Variants in PROS1 observed in about 807,000 individuals in gnomAD.
The protein encoded by PROS1 is vitamin K-dependent protein S.
A neutral mutation model predicts 75.9 loss-of-function variants in PROS1; 29 were observed. The ratio of observed to expected loss-of-function variants is 0.38; its 90% CI spans 0.28 to 0.52. The LOEUF is 0.52. Among genes scored for constraint, PROS1 ranks in the 20% least tolerant of loss-of-function variants. The pLI is 0.83. For synonymous variants in PROS1, 245 were observed against 280.6 expected (o/e 0.87, Z 1.27); for missense variants, 680 against 810.3 (o/e 0.84, Z 1.95).
At chr3:93,945,341 G>C (rs1331544981) in intron 1 of PROS1, among the ~76,000 whole-genome samples, 3 of 152,166 alleles carry the variant, frequency 2.0e-5, no homozygotes, top group Non-Finnish European at 4.4e-5. Flanking sequence ...AAGCCTGGCA[G>C]AGACACAACA....
chr3:93,969,841 G>A (rs529231330), intron 1 of PROS1, among the ~76,000 whole-genome samples: 114 of 152,048 alleles, frequency 7.5e-4, no homozygotes, highest in African/African-American at 2.7e-3. Context: ...AAAGAATACT[G>A]TATTATCAGG....
chr3:93,946,709 G>T (rs1158001815), intron 1 of PROS1, among the ~76,000 whole-genome samples: 7 of 151,766 alleles, frequency 4.6e-5, no homozygotes, highest in Non-Finnish European at 1.0e-4. Context: ...AACCCTAGAA[G>T]AAAACCTAAG....
intron 4 of PROS1, among the ~76,000 whole-genome samples, chr3:93,906,382 A>C (rs1412014756): frequency 2.0e-5 from 3 of 152,240 alleles, no homozygotes; most frequent in African/African-American, 7.2e-5. Flanking sequence ...GCCGCTGCCA[A>C]GACGCCAGCT....
At chr3:93,948,845 T>C (rs1391672923) in intron 1 of PROS1, among the ~76,000 whole-genome samples, 1 of 152,226 alleles carries the variant, frequency 6.6e-6, no homozygotes, top group African/African-American at 2.4e-5. Context: ...ATTACTTCTA[T>C]TTCCTTTGAG....
At position 93,940,303 on chromosome 3, in the gene PROS1, TCTCCTGGAAGC is replaced by T. The variant is rs1489519015; in HGVS notation, c.77-12907_77-12897del. Among the ~76,000 whole-genome samples, 70 of 152,144 alleles carry T rather than the reference TCTCCTGGAAGC, an allele frequency of 4.6e-4. 1 individual carries two copies. Among genetic ancestry groups the T allele is most frequent in the East Asian group, 1.4e-3 (7 of 5,152 alleles). ...TGACACTGCCCGATTGCCTCGGAAG[TCTCCTGGAAGC>T]CTCCTGGACCATCACATATGCTTTG... On this transcript the variant is annotated intron_variant, in intron 1 of 14. Transcript: ENST00000394236.
chr3:93,906,000 G>A (rs762864688), intron 5 of PROS1, 21 bp downstream of exon 5: 9 of 1,613,738 alleles, frequency 5.6e-6, no homozygotes, highest in Non-Finnish European at 7.6e-6. Flanking sequence ...TGAGCTGGGG[G>A]GCGGGGGTTA....
intron 1 of PROS1, among the ~76,000 whole-genome samples, chr3:93,940,425 C>T (rs1462925191): frequency 2.0e-5 from 3 of 152,082 alleles, no homozygotes; most frequent in Non-Finnish European, 2.9e-5. Flanking sequence ...TTTTCAAGGG[C>T]GTGTTTCCCT....
chr3:93,949,552 A>C (rs1427155159), intron 1 of PROS1, among the ~76,000 whole-genome samples: 2 of 152,196 alleles, frequency 1.3e-5, no homozygotes, highest in Non-Finnish European at 2.9e-5. Context: ...GATGCCACTT[A>C]CATGAAAGAA....
At chr3:93,913,681 A>T (rs1176288252) in intron 3 of PROS1, among the ~76,000 whole-genome samples, 1 of 152,180 alleles carries the variant, frequency 6.6e-6, no homozygotes, top group African/African-American at 2.4e-5. Context: ...TTTCTTTATA[A>T]ATTATCCAGT....
At chr3:93,952,958 C>A (rs970843011) in intron 1 of PROS1, among the ~76,000 whole-genome samples, 1 of 152,144 alleles carries the variant, frequency 6.6e-6, no homozygotes, top group African/African-American at 2.4e-5. Flanking sequence ...CACCTCAATG[C>A]AAATCAACCA....
intron 2 of PROS1, among the ~76,000 whole-genome samples, chr3:93,925,262 A>T (rs1192596072): frequency 6.6e-6 from 1 of 152,236 alleles, no homozygotes; most frequent in Non-Finnish European, 1.5e-5. Context: ...GACATATTCA[A>T]TGTTACCACT....
intron 10 of PROS1, among the ~76,000 whole-genome samples, chr3:93,892,586 T>C (rs889875984): frequency 1.4e-5 from 2 of 142,636 alleles, no homozygotes; most frequent in African/African-American, 5.3e-5. Flanking sequence ...ATCACGCCAC[T>C]GCACTCCAGC....
intron 10 of PROS1, among the ~76,000 whole-genome samples, chr3:93,890,624 T>C (rs1708418416): frequency 6.6e-6 from 1 of 152,146 alleles, no homozygotes; most frequent in Non-Finnish European, 1.5e-5. Context: ...CCGACACTTA[T>C]GGAAAATAGA....
intron 8 of PROS1, among the ~76,000 whole-genome samples, chr3:93,897,693 T>C (rs962104684): frequency 2.6e-5 from 4 of 152,090 alleles, no homozygotes; most frequent in African/African-American, 9.6e-5. Flanking sequence ...GTATACTTAG[T>C]TAAATCATTA....
chr3:93,891,614 T>G (rs1708431665), intron 10 of PROS1, among the ~76,000 whole-genome samples: 2 of 152,142 alleles, frequency 1.3e-5, no homozygotes, highest in Non-Finnish European at 2.9e-5. Flanking sequence ...TTCGCCATGT[T>G]GGTCAGGCTG....
chr3:93,947,985 T>G (rs1709432717), intron 1 of PROS1, among the ~76,000 whole-genome samples: 1 of 152,270 alleles, frequency 6.6e-6, no homozygotes, highest in African/African-American at 2.4e-5. Context: ...TGCCCAGTTA[T>G]AGGACTGATA....
intron 1 of PROS1, among the ~76,000 whole-genome samples, chr3:93,928,254 G>A (rs189380948): frequency 1.1e-4 from 17 of 150,024 alleles, no homozygotes; most frequent in African/African-American, 3.9e-4. Context: ...CCACTTGAGT[G>A]CAGGAATTCA....
intron 3 of PROS1, among the ~76,000 whole-genome samples, chr3:93,916,120 A>G (rs928563761): frequency 2.6e-5 from 4 of 152,172 alleles, no homozygotes; most frequent in African/African-American, 9.7e-5. Flanking sequence ...AGAAGGTAGT[A>G]AGGCAAAAGG....
chr3:93,885,005 T>C (rs976842741), intron 11 of PROS1, 109 bp from the exon 12 acceptor site: 24 of 942,496 alleles, frequency 2.5e-5, no homozygotes, highest in Non-Finnish European at 3.2e-6. Flanking sequence ...TTGATAATAG[T>C]TGAAAATATT....
Sources: gnomAD v4.1 joint callset for allele counts (sites outside exome capture counted in the v4.1 genomes callset) on GRCh38, gnomAD v4.1.1 for gene constraint, MANE v1.5 for transcripts, NCBI Gene and HGNC (gene_info 2026-07-23, HGNC 2026-07-21) for gene names.